TYR: variants seen among roughly 807,000 people sequenced by gnomAD.
The protein encoded by TYR is tyrosinase.
In TYR, 58 loss-of-function variants were observed where a neutral mutation model predicts 51.5. The observed-to-expected ratio is 1.13, with a 90% CI of 0.91 to 1.40. TYR has a LOEUF of 1.40. TYR is among the 40% of genes most tolerant of loss of function. TYR has a pLI of 0.00. For synonymous variants in TYR, 263 were observed against 235.2 expected, an observed-to-expected ratio of 1.12 and a Z score of -1.08; for missense variants, 732 against 647.4, an observed-to-expected ratio of 1.13 and a Z score of -1.42.
chr11:89,280,929 G>A (rs1429044189), intron 3 of TYR, among the ~76,000 whole-genome samples: 1 of 151,418 alleles, frequency 6.6e-6, no homozygotes, highest in Non-Finnish European at 1.5e-5. Flanking sequence ...CTTGGTTTTG[G>A]GTTTCCCTAC....
At chr11:89,247,327 G>T (rs1944279522) in intron 3 of TYR, among the ~76,000 whole-genome samples, 1 of 152,144 alleles carries the variant, frequency 6.6e-6, no homozygotes, top group African/African-American at 2.4e-5. Flanking sequence ...ATTAGACTAA[G>T]TTGTTGTATA....
intron 3 of TYR, among the ~76,000 whole-genome samples, chr11:89,254,364 A>C (rs1490759830): frequency 6.6e-6 from 1 of 151,250 alleles, no homozygotes; most frequent in East Asian, 1.9e-4. Context: ...GGGAGAATTC[A>C]CTCTTTATCT....
At position 89,276,833 on chromosome 11, in the gene TYR, G is replaced by A. The variant is rs1374473138; in HGVS notation, c.1185-7940G>A. Among the ~76,000 whole-genome samples the A allele has an allele frequency of 3.3e-5, 5 of 151,696 alleles. No individual in the cohort carries two copies. The East Asian group carries it at 9.7e-4, about 30-fold the overall frequency. On this transcript the variant is annotated intron_variant, in intron 3 of 4. Transcript: ENST00000263321. ...TCCTGTGTAAACACACAGAGAACAG[G>A]GTACTTACTATTATTAGTAACAGAG...
chr11:89,280,236 A>G (rs1034450113), intron 3 of TYR, among the ~76,000 whole-genome samples: 9 of 151,756 alleles, frequency 5.9e-5, no homozygotes, highest in African/African-American at 1.9e-4. Context: ...AGTTCCCTTT[A>G]CTGGAGAATA....
At chr11:89,216,173 T>C (rs909483688) in intron 2 of TYR, among the ~76,000 whole-genome samples, 3 of 152,146 alleles carry the variant, frequency 2.0e-5, no homozygotes, top group Non-Finnish European at 4.4e-5. Context: ...GTGACTTTAG[T>C]GTATAAATAA....
chr11:89,241,079 T>C (rs1327540779), intron 3 of TYR, among the ~76,000 whole-genome samples: 2 of 152,162 alleles, frequency 1.3e-5, no homozygotes, highest in Admixed American at 6.6e-5. Context: ...GACAAGGGTA[T>C]CTGGGTCATT....
At chr11:89,187,368 G>T (rs1052415431) in intron 1 of TYR, among the ~76,000 whole-genome samples, 2 of 152,160 alleles carry the variant, frequency 1.3e-5, no homozygotes, top group Non-Finnish European at 2.9e-5. Context: ...TGTGATTATA[G>T]AAATCAGTAC....
intron 3 of TYR, among the ~76,000 whole-genome samples, chr11:89,265,488 C>T (rs1424415494): frequency 5.9e-5 from 9 of 152,154 alleles, no homozygotes; most frequent in Non-Finnish European, 1.3e-4. Flanking sequence ...TACTACTAAT[C>T]ACTTGGAGAA....
At chr11:89,211,830 C>A (rs538268401) in intron 2 of TYR, among the ~76,000 whole-genome samples, 1 of 152,268 alleles carries the variant, frequency 6.6e-6, no homozygotes, top group African/African-American at 2.4e-5. Flanking sequence ...AACTGAACAA[C>A]CTGCTCCTAA....
chr11:89,200,927 A>G (rs1042849912), intron 2 of TYR, among the ~76,000 whole-genome samples: 1 of 152,190 alleles, frequency 6.6e-6, no homozygotes, highest in Non-Finnish European at 1.5e-5. Flanking sequence ...ATATCAATGA[A>G]CTTTTTGTCC....
chr11:89,205,432 A>G (rs914557999), intron 2 of TYR, among the ~76,000 whole-genome samples: 1 of 152,202 alleles, frequency 6.6e-6, no homozygotes, highest in Non-Finnish European at 1.5e-5. Context: ...TAAATCCCAT[A>G]GCAATCCACA....
chr11:89,240,442 A>G (rs2866556), intron 3 of TYR, among the ~76,000 whole-genome samples: 20,748 of 151,918 alleles, frequency 0.14, 1,653 homozygotes, highest in African/African-American at 0.22. Context: ...TTTATATTAC[A>G]TTTTGGTTTT....
chr11:89,274,285 G>T (rs2135317021), intron 3 of TYR, among the ~76,000 whole-genome samples: 1 of 151,964 alleles, frequency 6.6e-6, no homozygotes, highest in Non-Finnish European at 1.5e-5. Context: ...TCTTTTATTT[G>T]TGGTACACCA....
rs542004022 is a variant in TYR, at chr11:89,221,883, C to G, written c.1037-5940C>G. Among the ~76,000 whole-genome samples, 9 of 152,294 alleles carry G rather than the reference C, an allele frequency of 5.9e-5. No individual in the cohort carries two copies. The South Asian group carries it at 1.9e-3, about 32-fold the overall frequency. On this transcript the variant is annotated intron_variant, in intron 2 of 4. Transcript: ENST00000263321. ...ATTCTTCTGAAGATTTAACTACACA[C>G]CTTTTCATATTTCAGACTCTTAGCA...
chr11:89,178,192 G>A lies in TYR; in HGVS notation c.239G>A (p.Trp80Ter), dbSNP rs1183890194. 10 of 1,614,016 alleles carry A rather than the reference G, an allele frequency of 6.2e-6. No homozygotes were observed. The highest frequency in any genetic ancestry group is 1.7e-5 in the Admixed American group (1 of 59,998). ...ACAGGGGTGGATGACCGGGAGTCGTGGCCTTCCGTCTTTTATAATAGGACC... is the reference window on the plus strand; with the variant it reads ...ACAGGGGTGGATGACCGGGAGTCGTAGCCTTCCGTCTTTTATAATAGGACC... Reference protein sequence around the residue: ...PFTGVDDRESWPSVFYNRTCQ... With the variant: ...PFTGVDDRES Residue 80 changes from tryptophan (W) to a stop codon, truncating the protein, a stop_gained, in exon 1 of 5, where the codon TGG becomes TAG. Coordinates refer to ENST00000263321, the MANE Select transcript of TYR (RefSeq NM_000372.5). LOFTEE classifies it high-confidence loss of function.
intron 3 of TYR, among the ~76,000 whole-genome samples, chr11:89,253,074 A>C (rs777842745): frequency 9.9e-5 from 15 of 151,730 alleles, no homozygotes; most frequent in Non-Finnish European, 1.6e-4. Context: ...CTCCAAATTT[A>C]AACTTCAGAA....
Position 89,295,247 on chromosome 11 carries a change from C to G in TYR, c.1471C>G (p.Leu491Val). The change falls in exon 5 of 5, where the codon CTG (leucine) becomes GTG (valine). Residue 491 changes from leucine (L) to valine (V), a missense_variant. By Grantham distance (32) the Leu-to-Val change is conservative (BLOSUM62 1). Transcript: ENST00000263321. ...AAMVGAVLTA[L>V]LAGLVSLLCR... ...GATGGTAGGGGCCGTCCTCACTGCC[C>G]TGCTGGCAGGGCTTGTGAGCTTGCT... 6.2e-7 allele frequency: 1 copy of G among 1,613,996 alleles called. No individual in the cohort carries two copies. Among genetic ancestry groups the G allele is most frequent in the Non-Finnish European group, 8.5e-7 (1 of 1,179,876 alleles).
intron 3 of TYR, among the ~76,000 whole-genome samples, chr11:89,245,294 A>G (rs558632685): frequency 6.6e-6 from 1 of 152,344 alleles, no homozygotes; most frequent in South Asian, 2.1e-4. Context: ...CTACACACCA[A>G]ATTCTAAGCG....
intron 2 of TYR, among the ~76,000 whole-genome samples, chr11:89,225,758 A>C (rs1436015791): frequency 6.6e-6 from 1 of 151,822 alleles, no homozygotes; most frequent in Non-Finnish European, 1.5e-5. Context: ...ATTTATGATT[A>C]TGATTAAAAC....
Sources: gnomAD v4.1 joint callset for allele counts (sites outside exome capture counted in the v4.1 genomes callset) on GRCh38, gnomAD v4.1.1 for gene constraint, MANE v1.5 for transcripts, NCBI Gene and HGNC (gene_info 2026-07-23, HGNC 2026-07-21) for gene names.